Variants in COL28A1 observed in about 807,000 individuals in gnomAD.
COL28A1 encodes the protein collagen alpha-1(XXVIII) chain.
Under a neutral mutation model 150.2 loss-of-function variants are expected in COL28A1, and 161 were observed. That is an observed-to-expected ratio of 1.07 (90% confidence interval 0.94 to 1.22). COL28A1 has a LOEUF of 1.22. Ranked by LOEUF, COL28A1 falls within the 50% of genes most tolerant of loss-of-function variation. The probability of loss-of-function intolerance (pLI) is 0.00; values close to 1 mark genes in which losing one functional copy is unlikely to be tolerated. For missense variants in COL28A1, 1,617 were observed against 1,388.3 expected, an observed-to-expected ratio of 1.16 and a Z score of -2.62; for synonymous variants, 552 against 469.7, an observed-to-expected ratio of 1.18 and a Z score of -2.26.
intron 27 of COL28A1, among the ~76,000 whole-genome samples, chr7:7,397,019 C>T (rs1407516701): frequency 6.6e-6 from 1 of 152,140 alleles, no homozygotes; most frequent in Non-Finnish European, 1.5e-5. Flanking sequence ...GACCAAGATG[C>T]TGCTGACATT....
chr7:7,383,682 G>GTATATGTA (rs1554262305), intron 27 of COL28A1, among the ~76,000 whole-genome samples: 4 of 124,096 alleles, frequency 3.2e-5, no homozygotes, highest in Non-Finnish European at 6.5e-5. Context: ...GTGTGTGTGT[G>GTATATGTA]TATATATATA....
At chr7:7,479,573 T>C (rs931645707) in intron 13 of COL28A1, among the ~76,000 whole-genome samples, 2 of 152,222 alleles carry the variant, frequency 1.3e-5, no homozygotes, top group African/African-American at 4.8e-5. Context: ...TAAATTTGGA[T>C]TAAAACTTGA....
chr7:7,366,396 A>G (rs7800737), intron 33 of COL28A1, among the ~76,000 whole-genome samples: 1,613 of 152,330 alleles, frequency 0.011, 30 homozygotes, highest in African/African-American at 0.037. Flanking sequence ...CAATGAGACC[A>G]CAAGCCAGGT....
intron 25 of COL28A1, among the ~76,000 whole-genome samples, chr7:7,430,675 A>G (rs1784910746): frequency 6.6e-6 from 1 of 152,136 alleles, no homozygotes; most frequent in Non-Finnish European, 1.5e-5. Context: ...TACTTCCCTA[A>G]ATATTCAATA....
intron 33 of COL28A1, among the ~76,000 whole-genome samples, chr7:7,362,476 T>C (rs986912783): frequency 8.5e-5 from 13 of 152,226 alleles, no homozygotes; most frequent in African/African-American, 3.1e-4. Context: ...CCAGCTAAGC[T>C]GTTCTATTGC....
intron 11 of COL28A1, among the ~76,000 whole-genome samples, chr7:7,501,061 A>G (rs1780495759): frequency 6.6e-6 from 1 of 152,214 alleles, no homozygotes; most frequent in Admixed American, 6.5e-5. Context: ...GGGCCAGTCT[A>G]GTGCTATTTC....
intron 15 of COL28A1, among the ~76,000 whole-genome samples, chr7:7,462,869 A>G (rs1235918540): frequency 6.6e-6 from 1 of 151,822 alleles, no homozygotes; most frequent in African/African-American, 2.4e-5. Flanking sequence ...CTCAAAAAAA[A>G]AAAAAAGAAA....
At chr7:7,374,612 A>T (rs1354279541) in intron 31 of COL28A1, among the ~76,000 whole-genome samples, 1 of 152,166 alleles carries the variant, frequency 6.6e-6, no homozygotes, top group Admixed American at 6.5e-5. Flanking sequence ...GGAAATATAA[A>T]TTATCAGGAT....
intron 5 of COL28A1, among the ~76,000 whole-genome samples, chr7:7,520,411 A>T (rs1022962337): frequency 1.3e-5 from 2 of 152,226 alleles, no homozygotes; most frequent in Admixed American, 1.3e-4. Flanking sequence ...AAACTCATGC[A>T]AAGATTTAAA....
chr7:7,442,395 A>G (rs938873970), intron 20 of COL28A1, among the ~76,000 whole-genome samples: 1 of 152,126 alleles, frequency 6.6e-6, no homozygotes, highest in Non-Finnish European at 1.5e-5. Flanking sequence ...CCAAGCGCCT[A>G]TTTTCCAAAA....
At chr7:7,417,615 A>C (rs1784177094) in intron 27 of COL28A1, 1 of 441,414 alleles carries the variant, frequency 2.3e-6, no homozygotes, top group Admixed American at 4.8e-5. Context: ...AGGGGAAAGC[A>C]ACAAACCATA....
At chr7:7,398,608 C>T (rs562712098) in intron 27 of COL28A1, among the ~76,000 whole-genome samples, 2 of 152,338 alleles carry the variant, frequency 1.3e-5, no homozygotes, top group African/African-American at 2.4e-5. Flanking sequence ...CTTTGAGGGG[C>T]TTTTCCAGTT....
intron 25 of COL28A1, among the ~76,000 whole-genome samples, chr7:7,429,408 T>C: frequency 7.5e-6 from 1 of 132,454 alleles, no homozygotes; most frequent in East Asian, 2.1e-4. Flanking sequence ...TGAATCTCCC[T>C]CTCTCTCTCT....
chr7:7,373,698 C>T lies in COL28A1; in HGVS notation c.2360-152G>A. 1.6e-6 allele frequency: 1 copy of T among 631,240 alleles called. No homozygotes were observed. Among genetic ancestry groups the T allele is most frequent in the East Asian group, 3.0e-5 (1 of 33,502 alleles). The allele number at this position is 631,240 out of a possible 1,614,324, so 39.1% of individuals were successfully genotyped here. A position where few individuals can be genotyped will look rare whatever the true frequency, so the allele number is the denominator to read the frequency against. On this transcript the variant is annotated intron_variant, in intron 31 of 34. Coordinates refer to ENST00000399429, the MANE Select transcript of COL28A1 (RefSeq NM_001037763.3). This position sits in a 1 kb window ranked among gnomAD's most constrained non-coding sequence, Gnocchi z 4.1. ...AAAATACCTGACAGCTGTCTCCATT[C>T]TGGTTTCTTTTTTTTTTTGTGAGAC...
chr7:7,477,014 A>T, intron 14 of COL28A1, 98 bp downstream of exon 14: 1 of 729,732 alleles, frequency 1.4e-6, no homozygotes. Context: ...CAGAAAAATA[A>T]TTAACTTCTA....
At chr7:7,431,488 C>T (rs943785457) in intron 25 of COL28A1, 1 of 470,114 alleles carries the variant, frequency 2.1e-6, no homozygotes, top group Non-Finnish European at 4.4e-6. Flanking sequence ...GACATTTGAG[C>T]TAAGCTTTTA....
chr7:7,444,280 G>A, intron 19 of COL28A1, 138 bp downstream of exon 19: 1 of 1,155,798 alleles, frequency 8.7e-7, no homozygotes, highest in Non-Finnish European at 1.2e-6. Context: ...AGTGGAAAGG[G>A]ACATTTGGGA....
chr7:7,379,555 A>G (rs990099382), intron 30 of COL28A1, among the ~76,000 whole-genome samples: 1 of 152,070 alleles, frequency 6.6e-6, no homozygotes, highest in Admixed American at 6.5e-5. Context: ...GAGCTCTCTC[A>G]GTTCCAAGAA....
At chr7:7,369,769 C>CT (rs1418986827) in intron 33 of COL28A1, among the ~76,000 whole-genome samples, 1 of 152,142 alleles carries the variant, frequency 6.6e-6, no homozygotes, top group Non-Finnish European at 1.5e-5. Context: ...GGGCCTTAGT[C>CT]TAAGTAGACT....
Sources: gnomAD v4.1 joint callset for allele counts (sites outside exome capture counted in the v4.1 genomes callset) on GRCh38, gnomAD v4.1.1 for gene constraint, Gnocchi (gnomAD v3.1) non-coding constraint, MANE v1.5 for transcripts, NCBI Gene and HGNC (gene_info 2026-07-23, HGNC 2026-07-21) for gene names.